The following CHN1 variants were observed in gnomAD, a reference collection of about 807,000 sequenced individuals.
CHN1 encodes the protein N-chimaerin.
In CHN1, 37 loss-of-function variants were observed where a neutral mutation model predicts 59.5. That is an observed-to-expected ratio of 0.62 (90% CI 0.48 to 0.82). CHN1 has a LOEUF of 0.82. Among genes scored for constraint, CHN1 ranks in the 40% least tolerant of loss-of-function variants. The pLI, the probability that CHN1 is intolerant of heterozygous loss-of-function variation, is 0.00. For missense variants in CHN1, 469 were observed against 571.0 expected, an observed-to-expected ratio of 0.82 and a Z score of 1.82; for synonymous variants, 206 against 200.4, an observed-to-expected ratio of 1.03 and a Z score of -0.24.
At chr2:174,952,962 G>A (rs1417759392) in intron 1 of CHN1, among the ~76,000 whole-genome samples, 1 of 152,188 alleles carries the variant, frequency 6.6e-6, no homozygotes, top group African/African-American at 2.4e-5. Flanking sequence ...TTCTGGCTAC[G>A]CTGTGTGGCT....
chr2:174,847,518 T>C, intron 6 of CHN1: 3 of 1,223,798 alleles, frequency 2.5e-6, no homozygotes, highest in Non-Finnish European at 2.1e-6. Flanking sequence ...AAGATATTAA[T>C]GTCCATTCTG....
intron 1 of CHN1, among the ~76,000 whole-genome samples, chr2:175,001,773 C>G (rs1480560829): frequency 6.6e-6 from 1 of 152,200 alleles, no homozygotes; most frequent in Non-Finnish European, 1.5e-5. Flanking sequence ...GACAGAGATT[C>G]CTGCCAAGGC....
At chr2:174,851,282 G>A (rs1337446448) in intron 6 of CHN1, among the ~76,000 whole-genome samples, 1 of 152,008 alleles carries the variant, frequency 6.6e-6, no homozygotes, top group Non-Finnish European at 1.5e-5. Context: ...ACCTGATCCT[G>A]CCCATCCTTT....
At chr2:174,857,938 T>C (rs1686954895) in intron 6 of CHN1, among the ~76,000 whole-genome samples, 2 of 152,098 alleles carry the variant, frequency 1.3e-5, no homozygotes, top group Non-Finnish European at 2.9e-5. Context: ...GGATATAATA[T>C]ACATATAAAA....
At chr2:174,840,054 T>G (rs534546448) in intron 7 of CHN1, among the ~76,000 whole-genome samples, 1 of 152,142 alleles carries the variant, frequency 6.6e-6, no homozygotes, top group Non-Finnish European at 1.5e-5. Context: ...AGAGATGTCA[T>G]TTGTATTTGT....
intron 1 of CHN1, among the ~76,000 whole-genome samples, chr2:174,999,194 T>C (rs966396908): frequency 6.6e-6 from 1 of 152,184 alleles, no homozygotes; most frequent in Non-Finnish European, 1.5e-5. Flanking sequence ...TCATAGAAAT[T>C]ATTTTCTATG....
At chr2:174,998,333 TA>T (rs58157163) in intron 1 of CHN1, among the ~76,000 whole-genome samples, 4,705 of 131,938 alleles carry the variant, frequency 0.036, 302 homozygotes, top group African/African-American at 0.12. Context: ...GATACGAGAT[TA>T]AAAAAAAAAA....
chr2:174,968,919 C>G (rs930462543), intron 1 of CHN1, among the ~76,000 whole-genome samples: 2 of 152,168 alleles, frequency 1.3e-5, no homozygotes, highest in Admixed American at 1.3e-4. Flanking sequence ...TACCAAAAAC[C>G]TCACCTGATC....
chr2:174,886,162 T>A (rs1412965465), intron 5 of CHN1, among the ~76,000 whole-genome samples: 1 of 152,222 alleles, frequency 6.6e-6, no homozygotes, highest in Non-Finnish European at 1.5e-5. Flanking sequence ...AGTGTGTGTA[T>A]AAACACAAAC....
chr2:174,944,495 C>A (rs1689768932), intron 3 of CHN1, among the ~76,000 whole-genome samples: 1 of 151,982 alleles, frequency 6.6e-6, no homozygotes, highest in Admixed American at 6.6e-5. Context: ...GGTGAACTAT[C>A]CACATCTTTT....
At chr2:174,880,806 G>A (rs1015604211) in intron 5 of CHN1, among the ~76,000 whole-genome samples, 1 of 152,182 alleles carries the variant, frequency 6.6e-6, no homozygotes, top group Non-Finnish European at 1.5e-5. Flanking sequence ...ACAGCACTTT[G>A]GGAGGCTGAG....
chr2:174,952,046 G>C lies in CHN1; in HGVS notation c.58+118C>G, dbSNP rs368435455. On this transcript the variant is annotated intron_variant, in intron 2 of 12. Transcript: ENST00000409900. ...TATTTCTATGCTACTCCCAAACCTT[G>C]TTTAAATTAATTTTTCAACAATGGG... The C allele has an allele frequency of 7.0e-5, 44 of 624,254 alleles. No homozygotes were observed. In the African/African-American group the frequency reaches 7.6e-4, roughly 11 times the overall value. 38.7% of individuals were successfully genotyped at this position (624,254 alleles called of 1,614,324 possible).
intron 5 of CHN1, among the ~76,000 whole-genome samples, chr2:174,911,110 C>T (rs946006055): frequency 6.6e-6 from 1 of 151,994 alleles, no homozygotes; most frequent in Non-Finnish European, 1.5e-5. Context: ...TCACAAACAG[C>T]AGAAGTCAGG....
At chr2:174,800,651 T>C (rs769022450) in intron 12 of CHN1, among the ~76,000 whole-genome samples, 30 of 152,196 alleles carry the variant, frequency 2.0e-4, no homozygotes, top group Non-Finnish European at 3.1e-4. Flanking sequence ...CCACCCTCCC[T>C]TCACTCTGGC....
Position 174,883,986 on chromosome 2 carries a change from T to TA in CHN1, c.261-5859dup, listed in dbSNP as rs1443046680. On this transcript the variant is annotated intron_variant, in intron 5 of 12. Transcript: ENST00000409900. ...ACTTCTTTTTTTTTTTTTTTTTTTT[T>TA]AGACGTAGTCTCGCTCTGTCGCCCA... Among the ~76,000 whole-genome samples the TA allele has an allele frequency of 9.4e-5, 14 of 148,400 alleles. 1 individual carries two copies. Among genetic ancestry groups the TA allele is most frequent in the African/African-American group, 2.7e-4 (11 of 40,298 alleles).
At chr2:174,971,242 C>A (rs1002966485) in intron 1 of CHN1, among the ~76,000 whole-genome samples, 1 of 152,046 alleles carries the variant, frequency 6.6e-6, no homozygotes, top group Non-Finnish European at 1.5e-5. Context: ...GGCATGAACC[C>A]GGGAGGCGGA....
At chr2:174,863,595 G>A (rs1298237095) in intron 6 of CHN1, among the ~76,000 whole-genome samples, 2 of 151,874 alleles carry the variant, frequency 1.3e-5, no homozygotes, top group East Asian at 3.9e-4. Context: ...TTCCAATATA[G>A]TAAATATCAA....
At chr2:174,894,547 T>C (rs1466442476) in intron 5 of CHN1, among the ~76,000 whole-genome samples, 5 of 151,904 alleles carry the variant, frequency 3.3e-5, no homozygotes, top group Non-Finnish European at 5.9e-5. Flanking sequence ...AAAAACACTA[T>C]GAAAAACAGT....
At chr2:174,855,645 TTAAC>T (rs1160729604) in intron 6 of CHN1, among the ~76,000 whole-genome samples, 1 of 152,168 alleles carries the variant, frequency 6.6e-6, no homozygotes, top group Non-Finnish European at 1.5e-5. Context: ...CTTCCATTAA[TTAAC>T]TGACAATTGC....
Sources: allele counts gnomAD v4.1 joint callset (sites outside exome capture counted in the v4.1 genomes callset), GRCh38; gene constraint gnomAD v4.1.1; transcripts MANE v1.5; gene names NCBI Gene and HGNC (gene_info 2026-07-23, HGNC 2026-07-21).